Variants in UBE2H observed in about 807,000 individuals in gnomAD.
UBE2H encodes ubiquitin-conjugating enzyme E2 H.
In UBE2H, 3 loss-of-function variants were observed where a neutral mutation model predicts 29.0. The ratio of observed to expected loss-of-function variants is 0.10; its 90% confidence interval spans 0.05 to 0.27. UBE2H has a LOEUF of 0.27. Among genes scored for constraint, UBE2H ranks in the 10% least tolerant of loss-of-function variants. The pLI is 1.00. For missense variants in UBE2H, 68 were observed against 228.2 expected, an observed-to-expected ratio of 0.30 and a Z score of 4.52; for synonymous variants, 69 against 82.9, an observed-to-expected ratio of 0.83 and a Z score of 0.91.
chr7:129,930,547 G>A (rs1416263689), intron 1 of UBE2H, among the ~76,000 whole-genome samples: 1 of 152,030 alleles, frequency 6.6e-6, no homozygotes, highest in African/African-American at 2.4e-5. Flanking sequence ...AAGGCGGGTG[G>A]ATCACGAGGT....
At chr7:129,863,249 C>T (rs1041994023) in intron 3 of UBE2H, among the ~76,000 whole-genome samples, 13 of 152,294 alleles carry the variant, frequency 8.5e-5, no homozygotes, top group Non-Finnish European at 1.5e-4. Context: ...TGGTTTGGAG[C>T]TCAGTCTCCA....
At chr7:129,914,639 G>T (rs1276966391) in intron 1 of UBE2H, among the ~76,000 whole-genome samples, 1 of 152,150 alleles carries the variant, frequency 6.6e-6, no homozygotes, top group East Asian at 1.9e-4. Flanking sequence ...TTGAGTTCTG[G>T]TTTCAACACA....
intron 3 of UBE2H, among the ~76,000 whole-genome samples, chr7:129,864,552 C>CTTTTTTTTTTTTTT (rs757244811): frequency 4.0e-5 from 3 of 75,670 alleles, no homozygotes; most frequent in Admixed American, 1.9e-4. Context: ...TTTTTCTTTT[C>CTTTTTTTTTTTTTT]TTTCTTTTTT....
chr7:129,933,691 C>T (rs1807454778), intron 1 of UBE2H, among the ~76,000 whole-genome samples: 1 of 152,198 alleles, frequency 6.6e-6, no homozygotes, highest in African/African-American at 2.4e-5. Context: ...CAACACTTTC[C>T]TGCAAGATTT....
chr7:129,866,305 AG>A (rs1433142529), intron 3 of UBE2H, among the ~76,000 whole-genome samples: 1 of 152,234 alleles, frequency 6.6e-6, no homozygotes, highest in Admixed American at 6.5e-5. Context: ...TAGATGGATA[AG>A]AAAAGGTCAT....
At chr7:129,905,139 G>C (rs1218314698) in intron 1 of UBE2H, among the ~76,000 whole-genome samples, 5 of 151,884 alleles carry the variant, frequency 3.3e-5, no homozygotes, top group African/African-American at 1.2e-4. Context: ...AATGTATTCA[G>C]ACATGCAAAG....
chr7:129,897,468 A>AT (rs1266813617), intron 1 of UBE2H, among the ~76,000 whole-genome samples: 1 of 152,222 alleles, frequency 6.6e-6, no homozygotes, highest in African/African-American at 2.4e-5. Flanking sequence ...AGTGGCACTA[A>AT]TATCAATTTA....
chr7:129,861,962 T>C (rs994659219), intron 3 of UBE2H, among the ~76,000 whole-genome samples: 2 of 152,220 alleles, frequency 1.3e-5, no homozygotes, highest in Non-Finnish European at 2.9e-5. Flanking sequence ...TGCTGAACTA[T>C]TTTAAGAAAA....
intron 1 of UBE2H, among the ~76,000 whole-genome samples, chr7:129,902,047 C>T (rs572242293): frequency 3.3e-5 from 5 of 152,108 alleles, no homozygotes; most frequent in Admixed American, 2.0e-4. Flanking sequence ...GTTATTAACC[C>T]GTTTTCACTT....
At chr7:129,862,696 T>C (rs1383229021) in intron 3 of UBE2H, among the ~76,000 whole-genome samples, 1 of 152,020 alleles carries the variant, frequency 6.6e-6, no homozygotes, top group Admixed American at 6.5e-5. Context: ...TGCTCTGAAG[T>C]TTTTTCCTGA....
intron 3 of UBE2H, among the ~76,000 whole-genome samples, chr7:129,875,717 C>G (rs763553274): frequency 6.6e-6 from 1 of 152,082 alleles, no homozygotes; most frequent in Non-Finnish European, 1.5e-5. Context: ...CTGTATTACC[C>G]TCTTCTATGA....
intron 3 of UBE2H, among the ~76,000 whole-genome samples, chr7:129,870,565 A>G (rs1187865304): frequency 6.6e-6 from 1 of 152,154 alleles, no homozygotes; most frequent in African/African-American, 2.4e-5. Context: ...GATTTCCTTA[A>G]TGGAGCCACA....
intron 1 of UBE2H, among the ~76,000 whole-genome samples, chr7:129,907,194 T>G (rs1389013284): frequency 6.6e-6 from 1 of 152,110 alleles, no homozygotes. Context: ...CCCATCATAG[T>G]TTACAACTTT....
At chr7:129,861,156 G>A (rs551867790) in intron 3 of UBE2H, among the ~76,000 whole-genome samples, 1 of 151,902 alleles carries the variant, frequency 6.6e-6, no homozygotes, top group South Asian at 2.1e-4. Flanking sequence ...CCCAGGAGGC[G>A]GAGCTTGCAG....
intron 1 of UBE2H, among the ~76,000 whole-genome samples, chr7:129,923,515 T>C (rs1476992532): frequency 6.6e-6 from 1 of 152,184 alleles, no homozygotes; most frequent in Non-Finnish European, 1.5e-5. Flanking sequence ...TAGAAAATCA[T>C]AAAACTGATA....
chr7:129,940,480 G>A (rs552492501), intron 1 of UBE2H, among the ~76,000 whole-genome samples: 58 of 152,162 alleles, frequency 3.8e-4, no homozygotes, highest in Non-Finnish European at 3.7e-4. Flanking sequence ...AAGTCTTCCA[G>A]AGAATGGCAA....
intron 1 of UBE2H, among the ~76,000 whole-genome samples, chr7:129,924,603 A>C (rs1329388446): frequency 7.1e-6 from 1 of 141,732 alleles, no homozygotes. Flanking sequence ...ATGGTTGTGA[A>C]GGCCTTTTAC....
chr7:129,852,720 CTTTT>C (rs1045736022), intron 5 of UBE2H, among the ~76,000 whole-genome samples: 4 of 148,958 alleles, frequency 2.7e-5, no homozygotes, highest in South Asian at 4.3e-4. Flanking sequence ...TTCTCCACAA[CTTTT>C]TTTTTTGTTT....
At chr7:129,854,551 C>T (rs950025431) in intron 5 of UBE2H, among the ~76,000 whole-genome samples, 14 of 152,190 alleles carry the variant, frequency 9.2e-5, no homozygotes, top group Non-Finnish European at 2.1e-4. Flanking sequence ...CTTGGACCAA[C>T]GTGGTTTAAC....
Sources: gnomAD v4.1 joint callset for allele counts (sites outside exome capture counted in the v4.1 genomes callset) on GRCh38, gnomAD v4.1.1 for gene constraint, MANE v1.5 for transcripts, NCBI Gene and HGNC (gene_info 2026-07-23, HGNC 2026-07-21) for gene names.